AMOTL1: variants seen among roughly 807,000 people sequenced by gnomAD.
AMOTL1 encodes angiomotin like 1.
In AMOTL1, 45 loss-of-function variants were observed where a neutral mutation model predicts 102.9. That is an observed-to-expected ratio of 0.44 (90% CI 0.34 to 0.56). AMOTL1 has a LOEUF of 0.56. Ranked by LOEUF, AMOTL1 falls within the 20% of genes least tolerant of loss-of-function variation. The probability of loss-of-function intolerance (pLI) is 0.01; values close to 1 mark genes in which losing one functional copy is unlikely to be tolerated. For missense variants in AMOTL1, 1,114 were observed against 1,225.6 expected, an observed-to-expected ratio of 0.91 and a Z score of 1.36; for synonymous variants, 481 against 484.7, an observed-to-expected ratio of 0.99 and a Z score of 0.10.
upstream of AMOTL1, among the ~76,000 whole-genome samples, chr11:94,768,044 T>C (rs1425810182): frequency 6.6e-6 from 1 of 152,098 alleles, no homozygotes; most frequent in Non-Finnish European, 1.5e-5. Context: ...TTGGCCGGCA[T>C]TGGGCTGGTG....
intron 1 of AMOTL1, among the ~76,000 whole-genome samples, chr11:94,794,085 A>C (rs922863806): frequency 1.3e-5 from 2 of 152,226 alleles, no homozygotes; most frequent in Admixed American, 1.3e-4. Context: ...GTTTCAAATT[A>C]CCAGTTGGAA....
intron 5 of AMOTL1, among the ~76,000 whole-genome samples, chr11:94,831,031 G>A (rs979153547): frequency 1.3e-5 from 2 of 152,094 alleles, no homozygotes; most frequent in Non-Finnish European, 2.9e-5. Flanking sequence ...TTTGGTATTC[G>A]TTATTTTTTT....
intron 6 of AMOTL1, among the ~76,000 whole-genome samples, chr11:94,849,016 A>G (rs1952477690): frequency 6.6e-6 from 1 of 152,248 alleles, no homozygotes; most frequent in African/African-American, 2.4e-5. Context: ...TGAGATAGCC[A>G]GTATGGAACA....
chr11:94,761,145 T>C (rs1318172513), intron 3 of AMOTL1, among the ~76,000 whole-genome samples: 1 of 152,128 alleles, frequency 6.6e-6, no homozygotes, highest in African/African-American at 2.4e-5. Context: ...TTTATTGTCC[T>C]TTCAGTTAAT....
At chr11:94,856,613 C>T (rs1312491022) in intron 8 of AMOTL1, among the ~76,000 whole-genome samples, 3 of 152,140 alleles carry the variant, frequency 2.0e-5, no homozygotes, top group Non-Finnish European at 2.9e-5. Flanking sequence ...ATATGCCTGC[C>T]AGTTCTTGGG....
chr11:94,744,182 T>C (rs528589485), intron 3 of AMOTL1, among the ~76,000 whole-genome samples: 3 of 152,358 alleles, frequency 2.0e-5, no homozygotes, highest in African/African-American at 7.2e-5. Flanking sequence ...CCCACACTTA[T>C]GTCTAACTTG....
chr11:94,761,197 T>TC (rs1950788215), intron 3 of AMOTL1, among the ~76,000 whole-genome samples: 1 of 151,316 alleles, frequency 6.6e-6, no homozygotes, highest in South Asian at 2.1e-4. Flanking sequence ...TCTTTTCTTT[T>TC]TTTTTTTTTT....
chr11:94,834,627 C>G (rs1186814611), intron 6 of AMOTL1, among the ~76,000 whole-genome samples: 1 of 152,130 alleles, frequency 6.6e-6, no homozygotes, highest in Non-Finnish European at 1.5e-5. Flanking sequence ...TAATACATAC[C>G]AAGAAGCCCG....
chr11:94,816,891 G>T (rs1222911460), intron 3 of AMOTL1, among the ~76,000 whole-genome samples: 6 of 152,174 alleles, frequency 3.9e-5, no homozygotes, highest in Non-Finnish European at 7.3e-5. Context: ...GCATGAGATT[G>T]TAAGGGCCAA....
At chr11:94,867,338 G>T (rs559934613) in intron 11 of AMOTL1, among the ~76,000 whole-genome samples, 2 of 152,206 alleles carry the variant, frequency 1.3e-5, no homozygotes, top group Non-Finnish European at 2.9e-5. Flanking sequence ...TCCCACCCCA[G>T]CTAGAGAGCT....
chr11:94,729,070 G>T (rs1383257297), intron 2 of AMOTL1: 24 of 1,287,286 alleles, frequency 1.9e-5, no homozygotes, highest in Non-Finnish European at 2.4e-5. Flanking sequence ...GGCCGTTTTT[G>T]ATGTCCCTGA....
Position 94,723,572 on chromosome 11 carries a change from T to C in AMOTL1, c.-50-5349T>C, listed in dbSNP as rs1950208395. Among the ~76,000 whole-genome samples the C allele has an allele frequency of 4.6e-5, 7 of 152,072 alleles. No individual in the cohort carries two copies. The South Asian group carries it at 1.5e-3, about 32-fold the overall frequency. ...GCAGCTTCACAAATACTCTGCCCAG[T>C]TGGATAAACCAATCTGAAATAATGG... On this transcript the variant is annotated intron_variant, in intron 1 of 4. Transcript: ENST00000299004.
Position 94,799,292 on chromosome 11 carries a change from G to A in AMOTL1, c.200-98G>A, listed in dbSNP as rs1951423223. On this transcript the variant is annotated intron_variant, in intron 2 of 12. Transcript: ENST00000433060. The surrounding 1 kb of genome is among the most constrained non-coding windows in gnomAD (Gnocchi z 4.5). ...TGCATTTGAAATCTTATTTTTAAATGTTGCTGTAGTTAGAATGTTAATTAT... is the reference window on the plus strand; with the variant it reads ...TGCATTTGAAATCTTATTTTTAAATATTGCTGTAGTTAGAATGTTAATTAT... 1.0e-6 allele frequency: 1 copy of A among 1,003,272 alleles called. No individual in the cohort carries two copies. Among genetic ancestry groups the A allele is most frequent in the Non-Finnish European group, 1.4e-6 (1 of 699,106 alleles). The allele number at this position is 1,003,272 out of a possible 1,614,324, so 62.1% of individuals were successfully genotyped here.
chr11:94,810,674 CT>C (rs1323127585), intron 3 of AMOTL1, among the ~76,000 whole-genome samples: 2 of 151,760 alleles, frequency 1.3e-5, no homozygotes, highest in African/African-American at 4.8e-5. Context: ...GAATCCTGGG[CT>C]ATTAGAAACT....
Position 94,771,224 on chromosome 11 carries a change from T to A in AMOTL1, c.49+2664T>A, listed in dbSNP as rs1350531549. The stretch of plus-strand genomic sequence containing the variant: ...TCTGATATATAAAATTCCCCCAAAG[T>A]AACCTTTTCTATTTTCTTTTCTTTT... On this transcript the variant is annotated intron_variant, in intron 1 of 12. Coordinates refer to ENST00000433060, the MANE Select transcript of AMOTL1 (RefSeq NM_130847.3). Among the ~76,000 whole-genome samples the A allele has an allele frequency of 2.6e-5, 3 of 115,838 alleles. No homozygotes were observed. In the Admixed American group the frequency reaches 3.3e-4, roughly 13 times the overall value. The allele number at this position is 115,838 out of a possible 152,430, so 76.0% of individuals were successfully genotyped here. A position where few individuals can be genotyped will look rare whatever the true frequency, so the allele number is the denominator to read the frequency against.
At chr11:94,795,278 A>G (rs1951346759) in intron 2 of AMOTL1, 118 bp downstream of exon 2, 3 of 1,285,206 alleles carry the variant, frequency 2.3e-6, no homozygotes, top group African/African-American at 1.5e-5. Flanking sequence ...AAATCATCAT[A>G]TTGGATTATT....
rs996162791 is a variant in AMOTL1 at position 94,854,040 on chromosome 11, G to C, written c.1902G>C (p.Arg634=). The C allele has an allele frequency of 2.6e-6, 4 of 1,559,736 alleles. No homozygotes were observed. The Admixed American group carries it at 7.7e-5, about 30-fold the overall frequency. Residue 634 remains arginine (R), a synonymous_variant, in exon 8 of 13, where the codon CGG becomes CGC. Transcript: ENST00000433060. ...GAGAACAGATGGAGCGGAGACTGCGGACTTGGCTGGAGAGAGAGCTGGATG... is the reference window on the plus strand; with the variant it reads ...GAGAACAGATGGAGCGGAGACTGCGCACTTGGCTGGAGAGAGAGCTGGATG... ...EKREQMERRL[R]TWLERELDAL... is the part of the protein sequence containing the mutation.
At chr11:94,743,837 T>G (rs1950559468) in intron 3 of AMOTL1, among the ~76,000 whole-genome samples, 1 of 151,890 alleles carries the variant, frequency 6.6e-6, no homozygotes, top group Non-Finnish European at 1.5e-5. Flanking sequence ...TTTTGGAAAT[T>G]TAGTAGAGAC....
At chr11:94,868,720 T>C (rs1188290705) in intron 11 of AMOTL1, among the ~76,000 whole-genome samples, 1 of 152,166 alleles carries the variant, frequency 6.6e-6, no homozygotes, top group Admixed American at 6.5e-5. Flanking sequence ...GGAAGCCTTG[T>C]AGTTTTTCTT....
Sources: gnomAD v4.1 joint callset for allele counts (sites outside exome capture counted in the v4.1 genomes callset) on GRCh38, gnomAD v4.1.1 for gene constraint, Gnocchi (gnomAD v3.1) non-coding constraint, MANE v1.5 for transcripts, NCBI Gene and HGNC (gene_info 2026-07-23, HGNC 2026-07-21) for gene names.